SLC13A5: variants seen among roughly 807,000 people sequenced by gnomAD.
SLC13A5 encodes Na(+)/citrate cotransporter.
A neutral mutation model predicts 56.5 loss-of-function variants in SLC13A5; 25 were observed. The observed-to-expected ratio is 0.44, with a 90% CI of 0.32 to 0.62. The LOEUF (loss-of-function observed/expected upper bound fraction) is 0.62. Among genes scored for constraint, SLC13A5 ranks in the 20% least tolerant of loss-of-function variants. The probability of loss-of-function intolerance (pLI) is 0.04; values close to 1 mark genes in which losing one functional copy is unlikely to be tolerated. For missense variants in SLC13A5, 649 were observed against 737.8 expected, an observed-to-expected ratio of 0.88 and a Z score of 1.39; for synonymous variants, 307 against 301.5, an observed-to-expected ratio of 1.02 and a Z score of -0.19.
At chr17:6,699,741 G>A (rs1025278879) in intron 6 of SLC13A5, among the ~76,000 whole-genome samples, 2 of 152,134 alleles carry the variant, frequency 1.3e-5, no homozygotes, top group African/African-American at 4.8e-5. Flanking sequence ...AAAGTGCTGG[G>A]ATTTCAGGCG....
chr17:6,707,837 C>A (rs182797469), intron 1 of SLC13A5, among the ~76,000 whole-genome samples: 40 of 152,312 alleles, frequency 2.6e-4, no homozygotes, highest in Middle Eastern at 3.4e-3. Context: ...GGATTAAAAT[C>A]TCAGACTTCA....
intron 10 of SLC13A5, chr17:6,690,061 CAAAAAAAAA>C (rs71157211): frequency 3.0e-5 from 1 of 33,392 alleles, no homozygotes; most frequent in Non-Finnish European, 6.2e-5. Context: ...GAAGGAAATG[CAAAAAAAAA>C]AAAAAAAAAA....
intron 4 of SLC13A5, 105 bp downstream of exon 4, chr17:6,703,773 G>T: frequency 8.1e-7 from 1 of 1,236,688 alleles, no homozygotes; most frequent in East Asian, 2.5e-5. Flanking sequence ...TTTAAAGGAG[G>T]GCTCCGGGAA....
In SLC13A5 at chr17:6,692,123, A is replaced by AGATGGATG. The variant is rs753711538; in HGVS notation, c.1275+913_1275+920dup. ...AGGAATGTTGGATGGATGGATGGAT[A>AGATGGATG]GATGGATGGATGGATGGATGGATGG... On this transcript the variant is annotated intron_variant, in intron 9 of 11. Coordinates refer to ENST00000433363, the MANE Select transcript of SLC13A5 (RefSeq NM_177550.5). This position sits in a 1 kb window ranked among gnomAD's most constrained non-coding sequence, Gnocchi z 5.5. Among the ~76,000 whole-genome samples the AGATGGATG allele has an allele frequency of 0.06, 8,694 of 143,976 alleles. 363 individuals are homozygous for AGATGGATG. The highest frequency in any genetic ancestry group is 0.12 in the African/African-American group (4,636 of 37,870). The allele number at this position is 143,976 out of a possible 152,430, so 94.5% of individuals were successfully genotyped here.
At chr17:6,699,328 C>G (rs1195579705) in intron 6 of SLC13A5, among the ~76,000 whole-genome samples, 1 of 152,144 alleles carries the variant, frequency 6.6e-6, no homozygotes, top group Non-Finnish European at 1.5e-5. Flanking sequence ...GAGCTACTGT[C>G]AAAGCCAGGC....
Position 6,687,830 on chromosome 17 carries a change from C to T in SLC13A5, c.1438-164G>A, listed in dbSNP as rs3744394. ...CGTCTCTGGCAGATAATTCCACCTA[C>T]GGAACACTGAAGGCTGAGGTCAGAG... On this transcript the variant is annotated intron_variant, in intron 10 of 11. Transcript: ENST00000433363. The surrounding 1 kb of genome is among the most constrained non-coding windows in gnomAD (Gnocchi z 5.0). The T allele has an allele frequency of 0.15, 131,179 of 848,702 alleles. 14,051 individuals are homozygous for T. Among genetic ancestry groups the T allele is most frequent in the East Asian group, 0.58 (18,561 of 31,928 alleles). 52.6% of individuals were successfully genotyped at this position (848,702 alleles called of 1,614,324 possible).
At position 6,704,063 on chromosome 17, in the gene SLC13A5, A is replaced by G. The variant is rs1424520275; in HGVS notation, c.369-7T>C. 6.2e-7 allele frequency: 1 copy of G among 1,608,076 alleles called. No homozygotes were observed. The highest frequency in any genetic ancestry group is 2.2e-5 in the East Asian group (1 of 44,718). On this transcript the variant is annotated splice_region_variant and splice_polypyrimidine_tract_variant and intron_variant, in intron 3 of 11. Transcript: ENST00000433363. ...CATGAAGCCCAGCATCAGCCTGCAG[A>G]GGAGGGGCAGGGAGGAAAGCCAGAG...
intron 11 of SLC13A5, chr17:6,686,598 G>C (rs1328834227): frequency 4.7e-6 from 2 of 429,100 alleles, no homozygotes; most frequent in Admixed American, 6.9e-5. Flanking sequence ...AGAAGTGACA[G>C]GAGGCAACAG....
rs1221511903 is a variant in SLC13A5, at chr17:6,687,540, C to T, written c.1564G>A (p.Val522Ile). The T allele has an allele frequency of 1.2e-6, 2 of 1,613,522 alleles. No homozygotes were observed. The highest frequency in any genetic ancestry group is 1.7e-5 in the Admixed American group (1 of 59,840). Reference protein sequence around the residue: ...AIVFTYGHLKVADMVKTGVIM... With the variant: ...AIVFTYGHLKIADMVKTGVIM... ...AACAGCTGTGTTACCATGTCAGCAA[C>T]CTTGAGGTGCCCATAGGTGAACACG... Residue 522 changes from valine (V) to isoleucine (I), a missense_variant, in exon 11 of 12, where the codon GTT becomes ATT. Physicochemically the swap from Val to Ile is conservative, Grantham distance 29. Coordinates refer to ENST00000433363, the MANE Select transcript of SLC13A5 (RefSeq NM_177550.5). This position sits in a 1 kb window ranked among gnomAD's most constrained non-coding sequence, Gnocchi z 5.0.
At chr17:6,691,046 A>G in intron 9 of SLC13A5, 106 bp from the exon 10 acceptor site, 2 of 1,221,984 alleles carry the variant, frequency 1.6e-6, no homozygotes, top group South Asian at 3.0e-5. Flanking sequence ...CTCTCTCTAC[A>G]CCTCATAGGT....
At chr17:6,700,199 ACT>A (rs944555284) in intron 6 of SLC13A5, among the ~76,000 whole-genome samples, 1 of 152,068 alleles carries the variant, frequency 6.6e-6, no homozygotes, top group Non-Finnish European at 1.5e-5. Context: ...AAAAACAATA[ACT>A]TTTTTTTAGC....
Position 6,686,226 on chromosome 17 carries a change from A to T in SLC13A5, c.1688T>A (p.Val563Glu). 1 of 1,614,148 alleles carries T rather than the reference A, an allele frequency of 6.2e-7. No homozygotes were observed. Among genetic ancestry groups the T allele is most frequent in the East Asian group, 2.2e-5 (1 of 44,874 alleles). ...DLDHFPDWAN[V>E]THIET The stretch of plus-strand genomic sequence containing the variant: ...CTCTTCCTAAGTCTCAATATGTGTC[A>T]CATTAGCCCAGTCAGGGAAATGATC... The change falls in exon 12 of 12, where the codon GTG becomes GAG. Residue 563 changes from valine to glutamate, a missense_variant. By Grantham distance (121) the Val-to-Glu change is moderately radical. Coordinates refer to ENST00000433363, the MANE Select transcript of SLC13A5 (RefSeq NM_177550.5).
At chr17:6,702,165 CCT>C in intron 5 of SLC13A5, among the ~76,000 whole-genome samples, 1 of 152,214 alleles carries the variant, frequency 6.6e-6, no homozygotes, top group East Asian at 1.9e-4. Context: ...CCTCCCCACC[CCT>C]GTCCAGGCTC....
At chr17:6,695,673 G>A in intron 7 of SLC13A5, 53 bp downstream of exon 7, 3 of 1,587,866 alleles carry the variant, frequency 1.9e-6, no homozygotes, top group Non-Finnish European at 1.7e-6. Context: ...TTACATGTGT[G>A]AGCCAACGCG....
rs1215118278 is a variant in SLC13A5 at position 6,690,866 on chromosome 17, C to G, written c.1350G>C (p.Leu450Phe). ...LHAVPPAAIT[L>F]ILSLLVAVFT... is the part of the protein sequence containing the mutation. ...ACACGGCAACGAGCAAGGACAAGAT[C>G]AAGGTGATGGCTGCCGGGGGCACTG... Residue 450 changes from leucine to phenylalanine, a missense_variant, in exon 10 of 12, where the codon TTG (leucine) becomes TTC (phenylalanine). Coordinates refer to ENST00000433363, the MANE Select transcript of SLC13A5 (RefSeq NM_177550.5). 1 of 1,614,244 alleles carries G rather than the reference C, an allele frequency of 6.2e-7. No homozygotes were observed.
At position 6,698,821 on chromosome 17, in the gene SLC13A5, G is replaced by A. The variant is rs186247759; in HGVS notation, c.839+2183C>T. 6.6e-4 allele frequency among the ~76,000 whole-genome samples: 101 copies of A among 152,102 alleles called. 5 individuals carry two copies. In the South Asian group the frequency reaches 0.014, roughly 22 times the overall value. ...GGGAGGCCAAGGAGGGCGGATCACC[G>A]GAGGTTAGGAGTTCAAGACCAGCCT... On this transcript the variant is annotated intron_variant, in intron 6 of 11. Coordinates refer to ENST00000433363, the MANE Select transcript of SLC13A5 (RefSeq NM_177550.5).
In SLC13A5 at chr17:6,706,881, C is replaced by T. The variant is rs181359044; in HGVS notation, c.232-103G>A. The stretch of plus-strand genomic sequence containing the variant: ...TCAGGGACAGCTTGGAGTGGGGATG[C>T]AGGCTCGAGTGGTGTCTCCCTGCCA... On this transcript the variant is annotated intron_variant, in intron 2 of 11. Coordinates refer to ENST00000433363, the MANE Select transcript of SLC13A5 (RefSeq NM_177550.5). The T allele has an allele frequency of 3.5e-5, 55 of 1,565,834 alleles. No individual in the cohort carries two copies. The East Asian group carries it at 1.2e-3, about 34-fold the overall frequency.
Position 6,693,078 on chromosome 17 carries a change from A to G in SLC13A5, c.1241T>C (p.Leu414Pro). Residue 414 changes from leucine to proline, a missense_variant, in exon 9 of 12, where the codon CTA (leucine) becomes CCA (proline). By Grantham distance (98) the Leu-to-Pro change is moderately conservative. Transcript: ENST00000433363. ...TTTAGCCAGAGCAAATCCGCCCCCT[A>G]GTAGCAGCACGATGCCCCAGGGCAC... is the stretch of plus-strand genomic sequence containing the variant. ...EKVPWGIVLL[L>P]GGGFALAKGS... 1 of 1,614,100 alleles carries G rather than the reference A, an allele frequency of 6.2e-7. No homozygotes were observed. The highest frequency in any genetic ancestry group is 2.2e-5 in the East Asian group (1 of 44,864).
At chr17:6,708,926 C>T (rs966822391) in intron 1 of SLC13A5, among the ~76,000 whole-genome samples, 29 of 151,972 alleles carry the variant, frequency 1.9e-4, no homozygotes, top group Non-Finnish European at 2.2e-4. Flanking sequence ...GTAATGTGCA[C>T]GCTCCACACA....
Sources: gnomAD v4.1 joint callset for allele counts (sites outside exome capture counted in the v4.1 genomes callset) on GRCh38, gnomAD v4.1.1 for gene constraint, Gnocchi (gnomAD v3.1) non-coding constraint, MANE v1.5 for transcripts, NCBI Gene and HGNC (gene_info 2026-07-23, HGNC 2026-07-21) for gene names.